Variants in CDC14A observed in about 807,000 individuals in gnomAD.
The protein encoded by CDC14A is cell division cycle 14A, also known as dual specificity protein phosphatase CDC14A.
Under a neutral mutation model 74.4 loss-of-function variants are expected in CDC14A, and 53 were observed. The ratio of observed to expected loss-of-function variants is 0.71; its 90% CI spans 0.57 to 0.89. The LOEUF (loss-of-function observed/expected upper bound fraction) is 0.89, where lower values mean the gene tolerates loss of function less well. CDC14A is among the 40% of genes least tolerant of loss of function. CDC14A has a pLI of 0.00. For missense variants in CDC14A, 646 were observed against 713.7 expected, an observed-to-expected ratio of 0.91 and a Z score of 1.08; for synonymous variants, 247 against 258.4, an observed-to-expected ratio of 0.96 and a Z score of 0.43.
chr1:100,478,432 CAGAT>C (rs1352984498), intron 10 of CDC14A, among the ~76,000 whole-genome samples: 2 of 152,120 alleles, frequency 1.3e-5, no homozygotes, highest in African/African-American at 4.8e-5. Flanking sequence ...ACCTATATCA[CAGAT>C]AGATCTATCT....
intron 5 of CDC14A, among the ~76,000 whole-genome samples, chr1:100,436,542 A>G (rs1371093938): frequency 6.6e-6 from 1 of 151,876 alleles, no homozygotes; most frequent in Non-Finnish European, 1.5e-5. Flanking sequence ...CTCCTGCCTC[A>G]GCCTCCCGAG....
chr1:100,393,066 C>A lies in CDC14A; in HGVS notation c.309+2242C>A. On this transcript the variant is annotated intron_variant, in intron 4 of 15. Coordinates refer to ENST00000336454, the MANE Select transcript of CDC14A (RefSeq NM_003672.4). ...CTTGCCGGATGTTTTCTTTGTTTGC[C>A]TTTCCATGTTGCTGTTTAATTTGAT... The A allele has an allele frequency of 2.8e-6, 4 of 1,423,758 alleles. No individual in the cohort carries two copies. In the Admixed American group the frequency reaches 6.9e-5, roughly 24 times the overall value. 88.2% of individuals were successfully genotyped at this position (1,423,758 alleles called of 1,614,324 possible).
intron 4 of CDC14A, among the ~76,000 whole-genome samples, chr1:100,409,427 AT>A: frequency 1.3e-5 from 2 of 152,320 alleles, no homozygotes; most frequent in East Asian, 3.9e-4. Flanking sequence ...GTCTTAACTC[AT>A]TTCAGCATTA....
chr1:100,393,985 A>G, intron 4 of CDC14A: 1 of 259,984 alleles, frequency 3.8e-6, no homozygotes, highest in Non-Finnish European at 7.5e-6. Context: ...ATAGCAGTGC[A>G]TCCACCTCAA....
upstream of CDC14A, among the ~76,000 whole-genome samples, chr1:100,351,279 C>T (rs11166441): frequency 7.2e-5 from 11 of 152,038 alleles, no homozygotes; most frequent in African/African-American, 2.4e-4. Flanking sequence ...GTCAGCTCTG[C>T]ACGGGTGCGC....
At chr1:100,442,186 A>G (rs1402746268) in intron 6 of CDC14A, among the ~76,000 whole-genome samples, 4 of 150,310 alleles carry the variant, frequency 2.7e-5, no homozygotes, top group African/African-American at 7.3e-5. Context: ...AGAGCAGTCA[A>G]GTATAATTCT....
At chr1:100,376,005 G>A (rs576169727) in intron 2 of CDC14A, among the ~76,000 whole-genome samples, 17 of 152,278 alleles carry the variant, frequency 1.1e-4, no homozygotes, top group Non-Finnish European at 2.1e-4. Flanking sequence ...GTAGGGACAT[G>A]GATAAAGCTG....
chr1:100,356,745 T>G (rs1365934944), intron 2 of CDC14A, among the ~76,000 whole-genome samples: 1 of 151,360 alleles, frequency 6.6e-6, no homozygotes, highest in Non-Finnish European at 1.5e-5. Flanking sequence ...TCCCAGCTAC[T>G]TGGGAGGCTG....
chr1:100,502,406 C>T (rs934534115), intron 15 of CDC14A, among the ~76,000 whole-genome samples: 1 of 152,196 alleles, frequency 6.6e-6, no homozygotes, highest in Non-Finnish European at 1.5e-5. Flanking sequence ...CTGCAATATT[C>T]AGTAGAGTAA....
chr1:100,478,943 G>A (rs541588801), intron 10 of CDC14A, among the ~76,000 whole-genome samples: 23 of 152,172 alleles, frequency 1.5e-4, no homozygotes, highest in African/African-American at 5.3e-4. Flanking sequence ...TGAGACCTGA[G>A]AGTGTGCATT....
At chr1:100,424,082 C>T (rs1662668881) in intron 4 of CDC14A, 140 bp from the exon 5 acceptor site, 2 of 648,968 alleles carry the variant, frequency 3.1e-6, no homozygotes, top group Non-Finnish European at 5.6e-6. Context: ...GAAATGTTGG[C>T]AAGTTGTTGC....
chr1:100,441,496 CATAAGT>C (rs1026253907), intron 6 of CDC14A, among the ~76,000 whole-genome samples: 12 of 152,088 alleles, frequency 7.9e-5, no homozygotes, highest in African/African-American at 2.9e-4. Context: ...TTGGCATTGT[CATAAGT>C]ATAGTTTATA....
chr1:100,410,553 C>CAG (rs759061310), intron 4 of CDC14A, among the ~76,000 whole-genome samples: 242 of 152,260 alleles, frequency 1.6e-3, no homozygotes, highest in African/African-American at 5.7e-3. Context: ...CTCCTGACCT[C>CAG]GTGATTGCCT....
chr1:100,472,660 T>A (rs997223680), intron 10 of CDC14A, among the ~76,000 whole-genome samples: 2 of 150,410 alleles, frequency 1.3e-5, no homozygotes, highest in South Asian at 4.1e-4. Flanking sequence ...CAATGATTTC[T>A]CATATTTTTT....
intron 8 of CDC14A, among the ~76,000 whole-genome samples, chr1:100,461,878 G>A (rs757926646): frequency 5.3e-5 from 8 of 151,960 alleles, no homozygotes; most frequent in East Asian, 1.9e-4. Context: ...TGTATACATC[G>A]TAGAATGGTT....
chr1:100,372,799 A>G (rs1457891397), intron 2 of CDC14A, among the ~76,000 whole-genome samples: 1 of 152,140 alleles, frequency 6.6e-6, no homozygotes, highest in Non-Finnish European at 1.5e-5. Flanking sequence ...TTATGAACCA[A>G]CCTCTGCTAA....
chr1:100,419,642 A>C (rs1363714661), intron 4 of CDC14A, among the ~76,000 whole-genome samples: 1 of 152,106 alleles, frequency 6.6e-6, no homozygotes, highest in Non-Finnish European at 1.5e-5. Flanking sequence ...TTGTAAATGG[A>C]GTCTCTCCTT....
chr1:100,422,985 T>C (rs1662539229), intron 4 of CDC14A, among the ~76,000 whole-genome samples: 1 of 152,178 alleles, frequency 6.6e-6, no homozygotes. Context: ...GGTTTTGATG[T>C]TGGGACATAC....
Position 100,518,276 on chromosome 1 carries a change from A to G in CDC14A, c.1781A>G (p.Tyr594Cys). The change falls in exon 16 of 16, where the codon TAC becomes TGC. Residue 594 changes from tyrosine (Y) to cysteine (C), a missense_variant. Transcript: ENST00000336454. ...IPSLQSEYVH[Y>C] is the part of the protein sequence containing the mutation. ...TCCCTTCAGTCTGAATATGTTCATT[A>G]CTAAGGCCTTGCCACTCCAGTGAAA... 1 of 1,611,088 alleles carries G rather than the reference A, an allele frequency of 6.2e-7. No individual in the cohort carries two copies. The highest frequency in any genetic ancestry group is 8.5e-7 in the Non-Finnish European group (1 of 1,177,528).
Sources: allele counts gnomAD v4.1 joint callset (sites outside exome capture counted in the v4.1 genomes callset), GRCh38; gene constraint gnomAD v4.1.1; transcripts MANE v1.5; gene names NCBI Gene and HGNC (gene_info 2026-07-23, HGNC 2026-07-21).